The following FOXK2 variants were observed in gnomAD, a reference collection of about 807,000 sequenced individuals.
FOXK2 encodes the protein forkhead box protein K2.
In FOXK2, 24 loss-of-function variants were observed where a neutral mutation model predicts 53.3. That is an observed-to-expected ratio of 0.45 (90% CI 0.33 to 0.63). FOXK2 has a LOEUF of 0.63. FOXK2 is among the 30% of genes least tolerant of loss of function. FOXK2 has a pLI of 0.03. For synonymous variants in FOXK2, 505 were observed against 407.1 expected (o/e 1.24, Z -2.89); for missense variants, 952 against 910.5 (o/e 1.05, Z -0.59).
intron 1 of FOXK2, among the ~76,000 whole-genome samples, chr17:82,523,329 A>G (rs2044385568): frequency 1.3e-5 from 2 of 152,232 alleles, no homozygotes; most frequent in South Asian, 2.1e-4. Flanking sequence ...TGTGAATTAA[A>G]TTATTAACCT....
At chr17:82,598,205 G>A (rs1369589230) in intron 8 of FOXK2, among the ~76,000 whole-genome samples, 2 of 152,106 alleles carry the variant, frequency 1.3e-5, no homozygotes, top group African/African-American at 4.8e-5. Context: ...CTAGTTTTAC[G>A]TCTTTTTAAA....
intron 1 of FOXK2, among the ~76,000 whole-genome samples, chr17:82,541,532 G>A (rs141564571): frequency 1.5e-4 from 23 of 151,898 alleles, no homozygotes; most frequent in African/African-American, 5.6e-4. Flanking sequence ...CAAAGTGCTG[G>A]GATTGCAGAT....
intron 1 of FOXK2, among the ~76,000 whole-genome samples, chr17:82,560,498 C>T (rs1039223766): frequency 2.6e-5 from 4 of 152,202 alleles, no homozygotes; most frequent in East Asian, 1.9e-4. Context: ...TGGGCTCCGG[C>T]GGTTCCACCC....
chr17:82,586,401 CGGGGGGGAAAGGAGG>C (rs2045159810), intron 7 of FOXK2, among the ~76,000 whole-genome samples: 1 of 41,192 alleles, frequency 2.4e-5, no homozygotes, highest in Non-Finnish European at 4.4e-5. Context: ...GAAAGGTGGG[CGGGGGGGAAAGGAGG>C]AGAGGGGAGA....
intron 2 of FOXK2, 130 bp downstream of exon 2, chr17:82,563,678 G>C: frequency 1.3e-6 from 1 of 757,306 alleles, no homozygotes; most frequent in Non-Finnish European, 2.0e-6. Flanking sequence ...AAATATCATT[G>C]GATTTCTGCT....
chr17:82,597,448 G>C (rs1271807016), intron 8 of FOXK2, among the ~76,000 whole-genome samples: 1 of 152,104 alleles, frequency 6.6e-6, no homozygotes, highest in African/African-American at 2.4e-5. Context: ...CCAGGGCTCT[G>C]CTGCCTTTAG....
chr17:82,528,916 C>T (rs1333421143), intron 1 of FOXK2, among the ~76,000 whole-genome samples: 1 of 152,196 alleles, frequency 6.6e-6, no homozygotes, highest in Non-Finnish European at 1.5e-5. Flanking sequence ...TGCCTCCTTC[C>T]CCTCCCTGGG....
intron 5 of FOXK2, among the ~76,000 whole-genome samples, chr17:82,583,701 C>A (rs1189585564): frequency 6.6e-6 from 1 of 152,184 alleles, no homozygotes; most frequent in Non-Finnish European, 1.5e-5. Context: ...TGCCCACGGA[C>A]CTGCTCGCTG....
At chr17:82,540,694 T>C (rs1343784987) in intron 1 of FOXK2, among the ~76,000 whole-genome samples, 1 of 152,194 alleles carries the variant, frequency 6.6e-6, no homozygotes, top group Non-Finnish European at 1.5e-5. Context: ...GCTCAGATGC[T>C]TTCCCTATAT....
chr17:82,535,742 G>GT lies in FOXK2; in HGVS notation c.419+15440dup, dbSNP rs1339091058. Among the ~76,000 whole-genome samples the GT allele has an allele frequency of 2.4e-4, 30 of 123,144 alleles. No homozygotes were observed. The East Asian group carries it at 2.7e-3, about 11-fold the overall frequency. 80.8% of individuals were successfully genotyped at this position (123,144 alleles called of 152,430 possible). A position where few individuals can be genotyped will look rare whatever the true frequency, so the allele number is the denominator to read the frequency against. ...TTTTCCTTATCTCTTTTAGTTGTGT[G>GT]TTTTTGTTTTTGTTTTTTTTTTGAG... is the stretch of plus-strand genomic sequence containing the variant. On this transcript the variant is annotated intron_variant, in intron 1 of 8. Coordinates refer to ENST00000335255, the MANE Select transcript of FOXK2 (RefSeq NM_004514.4).
At chr17:82,576,644 AG>A in intron 4 of FOXK2, 4 of 1,139,678 alleles carry the variant, frequency 3.5e-6, no homozygotes, top group Non-Finnish European at 5.2e-6. Context: ...AAGCTGGCAC[AG>A]AAGATGATTG....
chr17:82,536,243 C>T (rs546260360), intron 1 of FOXK2, among the ~76,000 whole-genome samples: 1 of 152,294 alleles, frequency 6.6e-6, no homozygotes, highest in Non-Finnish European at 1.5e-5. Context: ...TCTAGCAAAT[C>T]CAGCATCTGG....
rs2045063328 is a variant in FOXK2, at chr17:82,581,703, C to G, written c.910-1038C>G. Among the ~76,000 whole-genome samples the G allele has an allele frequency of 2.6e-5, 4 of 152,120 alleles. No homozygotes were observed. The South Asian group carries it at 6.2e-4, about 24-fold the overall frequency. ...TGTTTGCCAGGATGGTCTCGATCTC[C>G]TGACCTCGTGATCCGCCCGCCTCGG... On this transcript the variant is annotated intron_variant, in intron 4 of 8. Coordinates refer to ENST00000335255, the MANE Select transcript of FOXK2 (RefSeq NM_004514.4).
At chr17:82,568,881 C>T (rs985726188) in intron 3 of FOXK2, among the ~76,000 whole-genome samples, 1 of 152,046 alleles carries the variant, frequency 6.6e-6, no homozygotes, top group Non-Finnish European at 1.5e-5. Context: ...CGTGGTGGCA[C>T]GCAGCTGTAA....
chr17:82,567,948 T>G, intron 2 of FOXK2, 106 bp from the exon 3 acceptor site: 1 of 611,168 alleles, frequency 1.6e-6, no homozygotes, highest in Non-Finnish European at 2.4e-6. Flanking sequence ...TTTTTTTTTT[T>G]AACATTTCTG....
chr17:82,600,712 A>G (rs2045373531), intron 8 of FOXK2: 1 of 152,298 alleles, frequency 6.6e-6, no homozygotes, highest in South Asian at 2.1e-4. Flanking sequence ...TGTTCTGCCC[A>G]CACACCTCTG....
Position 82,587,154 on chromosome 17 carries a change from G to A in FOXK2, c.1668G>A (p.Thr556=), listed in dbSNP as rs35974241. 5,241 of 1,612,990 alleles carry A rather than the reference G, an allele frequency of 3.2e-3. 40 individuals carry two copies. Among genetic ancestry groups the A allele is most frequent in the South Asian group, 0.015 (1,324 of 91,062 alleles). The change falls in exon 8 of 9, where the codon ACG becomes ACA. Residue 556 remains threonine (T), a synonymous_variant. Transcript: ENST00000335255. The part of the protein sequence containing the change: ...IQTAQTTPVQ[T]VTIVQQAPLG... Reference sequence around the variant, plus strand: ...CGGCACAGACCACCCCGGTCCAGACGGTGACCATAGTACAACAGGCACCTC... The same window carrying A: ...CGGCACAGACCACCCCGGTCCAGACAGTGACCATAGTACAACAGGCACCTC...
intron 6 of FOXK2, chr17:82,585,411 A>G (rs1176220310): frequency 2.0e-5 from 3 of 153,810 alleles, no homozygotes; most frequent in African/African-American, 7.3e-5. Context: ...TGCAGTCTCC[A>G]CCTTCCAGGC....
intron 1 of FOXK2, among the ~76,000 whole-genome samples, chr17:82,530,316 C>T (rs1366119078): frequency 1.3e-5 from 2 of 151,838 alleles, no homozygotes; most frequent in African/African-American, 4.8e-5. Flanking sequence ...CATGGAGAAA[C>T]CCTGTGTCTA....
Sources: allele counts gnomAD v4.1 joint callset (sites outside exome capture counted in the v4.1 genomes callset), GRCh38; gene constraint gnomAD v4.1.1; transcripts MANE v1.5; gene names NCBI Gene and HGNC (gene_info 2026-07-23, HGNC 2026-07-21).